FCHO1: variants seen among roughly 807,000 people sequenced by gnomAD.
The protein encoded by FCHO1 is FCH and mu domain containing endocytic adaptor 1.
In FCHO1, 45 loss-of-function variants were observed where a neutral mutation model predicts 114.4. The observed-to-expected ratio is 0.39, with a 90% CI of 0.31 to 0.50. FCHO1 has a LOEUF of 0.50. Ranked by LOEUF, FCHO1 falls within the 20% of genes least tolerant of loss-of-function variation. The pLI is 0.77. For synonymous variants in FCHO1, 480 were observed against 488.9 expected, an observed-to-expected ratio of 0.98 and a Z score of 0.24; for missense variants, 1,042 against 1,209.6, an observed-to-expected ratio of 0.86 and a Z score of 2.06.
In FCHO1 at chr19:17,770,523, C is replaced by T. The variant is rs2091184108; in HGVS notation, c.435C>T (p.Cys145=). 2 of 1,613,826 alleles carry T rather than the reference C, an allele frequency of 1.2e-6. No individual in the cohort carries two copies. The highest frequency in any genetic ancestry group is 1.7e-5 in the Admixed American group (1 of 60,006). ...CCCGCGAGAACTACCTGAACCGTTG[C>T]ATGGACCAGGAGCGGCTGCGGAGGG... ...PKSRENYLNR[C]MDQERLRRES... Residue 145 remains cysteine, a synonymous_variant, in exon 8 of 29, where the codon TGC becomes TGT. Coordinates refer to ENST00000596536, the MANE Select transcript of FCHO1 (RefSeq NM_015122.3).
chr19:17,780,468 T>TAG (rs1048751398), intron 20 of FCHO1, among the ~76,000 whole-genome samples: 18 of 151,704 alleles, frequency 1.2e-4, no homozygotes, highest in South Asian at 2.1e-4. Context: ...CCGGCCTGAG[T>TAG]AGAGGCTCTT....
chr19:17,771,574 C>A (rs1458342528), intron 9 of FCHO1, among the ~76,000 whole-genome samples: 1 of 151,360 alleles, frequency 6.6e-6, no homozygotes, highest in Non-Finnish European at 1.5e-5. Flanking sequence ...GAGGCTGAGG[C>A]CGGAGAATGG....
intron 4 of FCHO1, chr19:17,755,633 C>G (rs938383468): frequency 6.3e-6 from 1 of 157,512 alleles, no homozygotes; most frequent in African/African-American, 2.4e-5. Context: ...TGGAGATCAC[C>G]TCCTGTAGCC....
Position 17,772,696 on chromosome 19 carries a change from C to T in FCHO1, c.745C>T (p.Leu249Phe). 6.2e-7 allele frequency: 1 copy of T among 1,614,144 alleles called. No individual in the cohort carries two copies. ...NIENVSVEMLLRKFAESKGTG... is the reference protein window; with the variant it reads ...NIENVSVEMLFRKFAESKGTG... Reference sequence around the variant, plus strand: ...CGAGAACGTCAGCGTGGAGATGCTACTCAGGAAGTTTGCAGAGAGTAAGGG... The same window carrying T: ...CGAGAACGTCAGCGTGGAGATGCTATTCAGGAAGTTTGCAGAGAGTAAGGG... The change falls in exon 11 of 29, where the codon CTC becomes TTC. Residue 249 changes from leucine to phenylalanine, a missense_variant. By Grantham distance (22) the Leu-to-Phe change is conservative (BLOSUM62 0). This residue lies in a region of FCHO1 where 450 missense variants were observed against 564.1 expected (regional missense o/e 0.80). Coordinates refer to ENST00000596536, the MANE Select transcript of FCHO1 (RefSeq NM_015122.3).
chr19:17,763,345 C>T (rs941003240), intron 5 of FCHO1, among the ~76,000 whole-genome samples: 25 of 150,004 alleles, frequency 1.7e-4, no homozygotes, highest in African/African-American at 5.9e-4. Context: ...CTCACTGTAA[C>T]CTCTGCCTCC....
intron 7 of FCHO1, among the ~76,000 whole-genome samples, chr19:17,769,274 C>CA (rs34490038): frequency 0.34 from 17,497 of 51,632 alleles, 4,458 homozygotes; most frequent in Non-Finnish European, 0.44. Flanking sequence ...GACTCCGCCT[C>CA]AAAAAAAAAA....
At chr19:17,758,227 G>C (rs1157397940) in intron 4 of FCHO1, among the ~76,000 whole-genome samples, 1 of 151,448 alleles carries the variant, frequency 6.6e-6, no homozygotes, top group Admixed American at 6.6e-5. Flanking sequence ...AAAAAAAAAA[G>C]AGAAAACGTA....
chr19:17,762,925 G>C (rs565373484), intron 5 of FCHO1, 72 bp downstream of exon 5: 16 of 1,032,780 alleles, frequency 1.5e-5, no homozygotes, highest in Non-Finnish European at 2.3e-5. Flanking sequence ...TAATGGCTAC[G>C]CCCTGCATGG....
chr19:17,769,847 T>TA (rs397789461), intron 7 of FCHO1, among the ~76,000 whole-genome samples: 2 of 151,686 alleles, frequency 1.3e-5, no homozygotes, highest in East Asian at 2.0e-4. Flanking sequence ...TACTTTTTTT[T>TA]AAAGTTAAAA....
At chr19:17,777,042 C>T (rs2147155227) in intron 18 of FCHO1, among the ~76,000 whole-genome samples, 1 of 151,856 alleles carries the variant, frequency 6.6e-6, no homozygotes, top group South Asian at 2.1e-4. Context: ...AAGTGATCTG[C>T]CCACCTCGGC....
At chr19:17,786,422 A>C (rs1207844224) in intron 26 of FCHO1, 152 bp from the exon 27 acceptor site, 2 of 699,060 alleles carry the variant, frequency 2.9e-6, no homozygotes, top group Non-Finnish European at 4.9e-6. Flanking sequence ...CGGCTGTTCC[A>C]TATCTCACCC....
At chr19:17,757,915 C>CAA (rs71162192) in intron 4 of FCHO1, among the ~76,000 whole-genome samples, 1,299 of 77,860 alleles carry the variant, frequency 0.017, 12 homozygotes, top group Non-Finnish European at 0.025. Context: ...GACCCTGTCT[C>CAA]AAAAAAAAAA....
chr19:17,779,925 G>A (rs1211101113), intron 20 of FCHO1, among the ~76,000 whole-genome samples: 1 of 152,038 alleles, frequency 6.6e-6, no homozygotes, highest in Non-Finnish European at 1.5e-5. Context: ...AGCCCAGAGG[G>A]GTTGGAGACA....
intron 18 of FCHO1, among the ~76,000 whole-genome samples, chr19:17,777,077 C>T (rs527408480): frequency 6.6e-6 from 1 of 151,986 alleles, no homozygotes; most frequent in East Asian, 2.0e-4. Flanking sequence ...GGATTACAGG[C>T]ATGAGCCCTT....
At chr19:17,779,505 C>T (rs1426724341) in intron 20 of FCHO1, among the ~76,000 whole-genome samples, 6 of 149,210 alleles carry the variant, frequency 4.0e-5, no homozygotes, top group African/African-American at 1.5e-4. Flanking sequence ...GTGGAAAGGT[C>T]GCTGCAGGGG....
chr19:17,774,164 C>T, intron 11 of FCHO1, 75 bp from the exon 12 acceptor site: 2 of 1,430,194 alleles, frequency 1.4e-6, no homozygotes, highest in East Asian at 2.3e-5. Context: ...CCGCCTTAGC[C>T]TCCCAAAGTG....
At chr19:17,771,214 T>G (rs1017884886) in intron 9 of FCHO1, among the ~76,000 whole-genome samples, 9 of 151,270 alleles carry the variant, frequency 5.9e-5, no homozygotes, top group African/African-American at 2.2e-4. Context: ...ATCGAGCCAT[T>G]GTACTCCAGG....
At chr19:17,785,395 G>GT (rs570850219) in intron 26 of FCHO1, among the ~76,000 whole-genome samples, 1 of 151,778 alleles carries the variant, frequency 6.6e-6, no homozygotes, top group Non-Finnish European at 1.5e-5. Context: ...TGATTTTTGT[G>GT]TTTTTTTAGT....
At chr19:17,756,651 C>T (rs1174822800) in intron 4 of FCHO1, among the ~76,000 whole-genome samples, 1 of 152,208 alleles carries the variant, frequency 6.6e-6, no homozygotes, top group African/African-American at 2.4e-5. Flanking sequence ...TGCACCGCCA[C>T]TCCCACCCCA....
Sources: allele counts gnomAD v4.1 joint callset (sites outside exome capture counted in the v4.1 genomes callset), GRCh38; gene constraint gnomAD v4.1.1; regional missense constraint gnomAD v4.1.1; transcripts MANE v1.5; gene names NCBI Gene and HGNC (gene_info 2026-07-23, HGNC 2026-07-21).